The following EXOC2 variants were observed in gnomAD, a reference collection of about 807,000 sequenced individuals.
The protein encoded by EXOC2 is exocyst complex component 2.
EXOC2 carries 70 observed loss-of-function variants against 131.8 expected under a neutral mutation model. The observed-to-expected ratio is 0.53, with a 90% CI of 0.44 to 0.65. The LOEUF (loss-of-function observed/expected upper bound fraction) is 0.65, where lower values mean the gene tolerates loss of function less well. EXOC2 is among the 30% of genes least tolerant of loss of function. The pLI is 0.00. For missense variants in EXOC2, 923 were observed against 1,108.6 expected (o/e 0.83, Z 2.38); for synonymous variants, 411 against 398.4 (o/e 1.03, Z -0.38).
intron 12 of EXOC2, among the ~76,000 whole-genome samples, chr6:574,172 T>C (rs1398316368): frequency 6.6e-6 from 1 of 152,222 alleles, no homozygotes; most frequent in African/African-American, 2.4e-5. Context: ...TTAAAATGAA[T>C]GTTTCAGCCA....
chr6:670,492 TA>T (rs559216942), intron 1 of EXOC2, among the ~76,000 whole-genome samples: 461 of 144,394 alleles, frequency 3.2e-3, no homozygotes, highest in African/African-American at 5.3e-3. Flanking sequence ...TTTTTTAATT[TA>T]AAAAAAAAAA....
At chr6:636,127 C>G (rs954575503) in intron 2 of EXOC2, among the ~76,000 whole-genome samples, 1 of 152,190 alleles carries the variant, frequency 6.6e-6, no homozygotes, top group Non-Finnish European at 1.5e-5. Flanking sequence ...AATAGCATTG[C>G]CTGAAGCTCA....
chr6:541,123 T>C (rs1033746831), intron 22 of EXOC2, among the ~76,000 whole-genome samples: 4 of 152,210 alleles, frequency 2.6e-5, no homozygotes, highest in African/African-American at 7.2e-5. Context: ...AAAAACATGA[T>C]ATTCTCTGAC....
At chr6:487,379 T>G (rs74698611) in intron 27 of EXOC2, among the ~76,000 whole-genome samples, 1,652 of 152,276 alleles carry the variant, frequency 0.011, 35 homozygotes, top group African/African-American at 0.038. Context: ...CGCAATCTGT[T>G]TCCCCAACTG....
intron 12 of EXOC2, among the ~76,000 whole-genome samples, chr6:573,294 T>G (rs1758388725): frequency 6.6e-6 from 1 of 152,196 alleles, no homozygotes; most frequent in Admixed American, 6.5e-5. Context: ...GAAGAACAGG[T>G]TCATGGGAAT....
At chr6:491,235 A>G in intron 25 of EXOC2, 49 bp from the exon 26 acceptor site, 1 of 1,577,258 alleles carries the variant, frequency 6.3e-7, no homozygotes, top group Admixed American at 1.7e-5. Context: ...TTATATTATC[A>G]AATATAAACA....
At chr6:613,684 C>T (rs1760830871) in intron 6 of EXOC2, among the ~76,000 whole-genome samples, 1 of 152,030 alleles carries the variant, frequency 6.6e-6, no homozygotes, top group Non-Finnish European at 1.5e-5. Context: ...GGCAGGAAAA[C>T]AGAAGGAAAC....
intron 23 of EXOC2, among the ~76,000 whole-genome samples, chr6:511,079 G>A (rs927584044): frequency 6.6e-6 from 1 of 152,228 alleles, no homozygotes; most frequent in Admixed American, 6.5e-5. Context: ...AGCAGGTCTG[G>A]AAGCAGCTGG....
intron 5 of EXOC2, among the ~76,000 whole-genome samples, chr6:619,095 T>G (rs565836078): frequency 6.6e-6 from 1 of 152,332 alleles, no homozygotes; most frequent in Admixed American, 6.5e-5. Context: ...TTAAAATTTT[T>G]ATGTTATTTG....
chr6:495,326 G>T (rs1025366514), intron 25 of EXOC2, among the ~76,000 whole-genome samples: 12 of 151,120 alleles, frequency 7.9e-5, no homozygotes, highest in Admixed American at 2.6e-4. Context: ...GGGTTTCACC[G>T]TGTTAGCCAG....
intron 1 of EXOC2, among the ~76,000 whole-genome samples, chr6:670,555 A>G (rs1313715066): frequency 1.3e-5 from 2 of 152,194 alleles, no homozygotes. Flanking sequence ...AAAGTGATCA[A>G]TACTTTTCAA....
intron 23 of EXOC2, among the ~76,000 whole-genome samples, chr6:528,261 G>A (rs911620642): frequency 9.9e-5 from 15 of 151,740 alleles, no homozygotes; most frequent in African/African-American, 3.4e-4. Flanking sequence ...AAATTTATTG[G>A]TAACTACAGC....
intron 23 of EXOC2, among the ~76,000 whole-genome samples, chr6:502,049 T>G (rs72835911): frequency 0.17 from 25,889 of 152,112 alleles, 2,300 homozygotes; most frequent in Middle Eastern, 0.23. Flanking sequence ...TCGCCGCTCA[T>G]ACCCTCTGGG....
At chr6:503,865 C>T (rs1764369576) in intron 23 of EXOC2, among the ~76,000 whole-genome samples, 1 of 152,158 alleles carries the variant, frequency 6.6e-6, no homozygotes, top group African/African-American at 2.4e-5. Flanking sequence ...CCCGCACCCT[C>T]GCCTTCCTCC....
chr6:691,190 T>C (rs372565627), intron 1 of EXOC2, among the ~76,000 whole-genome samples: 3 of 152,232 alleles, frequency 2.0e-5, no homozygotes, highest in East Asian at 1.9e-4. Flanking sequence ...CAGTACCAAC[T>C]TCATTTCCCA....
At chr6:545,760 A>G (rs902861369) in intron 22 of EXOC2, among the ~76,000 whole-genome samples, 3 of 152,240 alleles carry the variant, frequency 2.0e-5, no homozygotes, top group African/African-American at 7.2e-5. Flanking sequence ...ACATGTGATC[A>G]AAGATTATCT....
At chr6:490,298 A>T (rs768568124) in intron 26 of EXOC2, among the ~76,000 whole-genome samples, 6 of 152,154 alleles carry the variant, frequency 3.9e-5, no homozygotes, top group Non-Finnish European at 7.4e-5. Context: ...CATTTGCATG[A>T]AGTGTGCACA....
chr6:514,887 C>G (rs1329003811), intron 23 of EXOC2, among the ~76,000 whole-genome samples: 1 of 152,188 alleles, frequency 6.6e-6, no homozygotes, highest in Non-Finnish European at 1.5e-5. Flanking sequence ...GCAGGGCCCT[C>G]TGAGGGCAGG....
At chr6:607,935 T>C (rs919794839) in intron 7 of EXOC2, among the ~76,000 whole-genome samples, 34 of 152,178 alleles carry the variant, frequency 2.2e-4, no homozygotes, top group African/African-American at 8.2e-4. Context: ...CAGCCAACAG[T>C]ATCCTTTAGA....
Sources: allele counts gnomAD v4.1 joint callset (sites outside exome capture counted in the v4.1 genomes callset), GRCh38; gene constraint gnomAD v4.1.1; transcripts MANE v1.5; gene names NCBI Gene and HGNC (gene_info 2026-07-23, HGNC 2026-07-21).